The following LOXL1 variants were observed in gnomAD, a reference collection of about 807,000 sequenced individuals.
LOXL1 encodes the protein lysyl oxidase like 1.
LOXL1 carries 31 observed loss-of-function variants against 62.2 expected under a neutral mutation model. The observed-to-expected ratio is 0.50, with a 90% CI of 0.37 to 0.67. The LOEUF (loss-of-function observed/expected upper bound fraction) is 0.67. Ranked by LOEUF, LOXL1 falls within the 30% of genes least tolerant of loss-of-function variation. The pLI is 0.00. For synonymous variants in LOXL1, 403 were observed against 384.4 expected (o/e 1.05, Z -0.56); for missense variants, 775 against 843.4 (o/e 0.92, Z 1.00).
intron 1 of LOXL1, among the ~76,000 whole-genome samples, chr15:73,937,903 C>T (rs139664413): frequency 6.6e-6 from 1 of 152,296 alleles, no homozygotes; most frequent in African/African-American, 2.4e-5. Flanking sequence ...GAGCTGGCTG[C>T]GTACCTTCAT....
At chr15:73,929,966 G>C (rs2068624477) in intron 1 of LOXL1, among the ~76,000 whole-genome samples, 1 of 152,210 alleles carries the variant, frequency 6.6e-6, no homozygotes, top group African/African-American at 2.4e-5. Flanking sequence ...TGATTGAGAG[G>C]GGAATGGGAC....
chr15:73,948,195 G>A (rs2068761075), intron 5 of LOXL1, among the ~76,000 whole-genome samples: 1 of 152,200 alleles, frequency 6.6e-6, no homozygotes, highest in African/African-American at 2.4e-5. Flanking sequence ...GGGAGAGCAA[G>A]AAAGACTTGG....
chr15:73,950,739 T>G (rs1364947582), intron 6 of LOXL1, among the ~76,000 whole-genome samples: 1 of 152,160 alleles, frequency 6.6e-6, no homozygotes, highest in Non-Finnish European at 1.5e-5. Flanking sequence ...GTGGCCAGGG[T>G]CAGGGCTCAG....
chr15:73,940,766 C>T (rs1220111980), intron 1 of LOXL1, among the ~76,000 whole-genome samples: 1 of 152,204 alleles, frequency 6.6e-6, no homozygotes, highest in African/African-American at 2.4e-5. Flanking sequence ...GCACAGGGCT[C>T]AGTGTGTGTA....
chr15:73,928,266 C>A, intron 1 of LOXL1: 1 of 194,160 alleles, frequency 5.2e-6, no homozygotes, highest in Non-Finnish European at 1.0e-5. Flanking sequence ...GCATCTCCTT[C>A]CCCCCTTAGA....
At chr15:73,933,561 T>C (rs1341934819) in intron 1 of LOXL1, among the ~76,000 whole-genome samples, 1 of 152,172 alleles carries the variant, frequency 6.6e-6, no homozygotes, top group Admixed American at 6.5e-5. Context: ...GCTCTGGCTT[T>C]TTGTCCTCTC....
rs144785122 is a variant in LOXL1 at position 73,951,289 on chromosome 15, C to T, written c.1719-542C>T. Among the ~76,000 whole-genome samples the T allele has an allele frequency of 4.7e-3, 721 of 152,328 alleles. 1 individual carries two copies. The highest frequency in any genetic ancestry group is 0.016 in the African/African-American group (679 of 41,568). On this transcript the variant is annotated intron_variant, in intron 6 of 6. Coordinates refer to ENST00000261921, the MANE Select transcript of LOXL1 (RefSeq NM_005576.4). ...GCGGCCCTCCCAGCTCCCCGGGGGC[C>T]TGTGGGCAGCAGGGGGAGCCAAAGC...
Position 73,945,520 on chromosome 15 carries a change from A to G in LOXL1, c.1212-897A>G, listed in dbSNP as rs150368495. On this transcript the variant is annotated intron_variant, in intron 2 of 6. Transcript: ENST00000261921. The surrounding 1 kb of genome is among the most constrained non-coding windows in gnomAD (Gnocchi z 4.3). ...GGAAAAAGTTCAGCCTGTTTGGAAA[A>G]TAGGCTTTGAAGCAGGAACCCAGGG... 1.1e-3 allele frequency among the ~76,000 whole-genome samples: 162 copies of G among 152,324 alleles called. 1 individual carries two copies. Among genetic ancestry groups the G allele is most frequent in the Non-Finnish European group, 1.8e-3 (123 of 68,034 alleles).
At chr15:73,951,810 C>T (rs1484288698) in intron 6 of LOXL1, 21 bp from the exon 7 acceptor site, 4 of 1,549,528 alleles carry the variant, frequency 2.6e-6, no homozygotes, top group Non-Finnish European at 3.5e-6. Context: ...CCTCATTGAC[C>T]CACTGTCTTT....
Position 73,947,137 on chromosome 15 carries a change from G to C in LOXL1, c.1420G>C (p.Glu474Gln), listed in dbSNP as rs141057976. 1 of 1,613,780 alleles carries C rather than the reference G, an allele frequency of 6.2e-7. No individual in the cohort carries two copies. The highest frequency in any genetic ancestry group is 8.5e-7 in the Non-Finnish European group (1 of 1,179,694). ...LDAATGKKVAEGHKASFCLED... is the reference protein window; with the variant it reads ...LDAATGKKVAQGHKASFCLED... ...TGCAGCCACAGGCAAGAAGGTGGCC[G>C]AGGGCCACAAGGCCAGTTTCTGCCT... is the stretch of plus-strand genomic sequence containing the variant. Residue 474 changes from glutamate to glutamine, a missense_variant, in exon 4 of 7, where the codon GAG becomes CAG. Physicochemically the swap from Glu to Gln is conservative, Grantham distance 29. Coordinates refer to ENST00000261921, the MANE Select transcript of LOXL1 (RefSeq NM_005576.4).
At chr15:73,949,903 T>C (rs1006294064) in intron 6 of LOXL1, among the ~76,000 whole-genome samples, 19 of 152,258 alleles carry the variant, frequency 1.2e-4, no homozygotes, top group African/African-American at 4.6e-4. Context: ...TATGTGACAT[T>C]GGGTTACTTC....
intron 6 of LOXL1, among the ~76,000 whole-genome samples, chr15:73,951,236 C>A (rs901844525): frequency 2.6e-5 from 4 of 152,170 alleles, no homozygotes; most frequent in Admixed American, 2.0e-4. Context: ...GGAGGGCTGT[C>A]GGCAGGGCAG....
rs1955794121 is a variant in LOXL1 at position 73,945,950 on chromosome 15, C to G, written c.1212-467C>G. 6.6e-6 allele frequency among the ~76,000 whole-genome samples: 1 copy of G among 152,168 alleles called. No homozygotes were observed. Among genetic ancestry groups the G allele is most frequent in the African/African-American group, 2.4e-5 (1 of 41,430 alleles). Reference sequence around the variant, plus strand: ...CTCACTATGTTGCCCAGGCTGGTCTCAAACTATGGGCCTCAAGTGATCCTC... The same window carrying G: ...CTCACTATGTTGCCCAGGCTGGTCTGAAACTATGGGCCTCAAGTGATCCTC... On this transcript the variant is annotated intron_variant, in intron 2 of 6. Coordinates refer to ENST00000261921, the MANE Select transcript of LOXL1 (RefSeq NM_005576.4). This position sits in a 1 kb window ranked among gnomAD's most constrained non-coding sequence, Gnocchi z 4.3.
chr15:73,949,391 CT>C, intron 5 of LOXL1, 67 bp from the exon 6 acceptor site: 1 of 891,178 alleles, frequency 1.1e-6, no homozygotes, highest in East Asian at 2.4e-5. Flanking sequence ...ACCACCTTCT[CT>C]GGTGAGCAGT....
intron 2 of LOXL1, among the ~76,000 whole-genome samples, chr15:73,946,031 C>T (rs2068744698): frequency 6.6e-6 from 1 of 152,184 alleles, no homozygotes; most frequent in Non-Finnish European, 1.5e-5. Context: ...AGTGCCTGGC[C>T]CCCGCAATAG....
intron 5 of LOXL1, among the ~76,000 whole-genome samples, chr15:73,949,189 C>G (rs2068767484): frequency 6.6e-6 from 1 of 152,168 alleles, no homozygotes; most frequent in Non-Finnish European, 1.5e-5. Flanking sequence ...CTCTCTGACC[C>G]CAAATGCCCC....
intron 1 of LOXL1, among the ~76,000 whole-genome samples, chr15:73,938,652 A>T (rs1045627188): frequency 2.0e-5 from 3 of 152,216 alleles, no homozygotes; most frequent in African/African-American, 7.2e-5. Context: ...CGGATGTTGC[A>T]GTGAGCCAAG....
intron 2 of LOXL1, 119 bp downstream of exon 2, chr15:73,943,081 C>A: frequency 1.3e-6 from 1 of 745,176 alleles, no homozygotes; most frequent in Non-Finnish European, 2.4e-6. Context: ...GGCCAAGTGC[C>A]CCAGCCTCCC....
intron 5 of LOXL1, 55 bp downstream of exon 5, chr15:73,947,957 C>A: frequency 7.4e-7 from 1 of 1,346,692 alleles, no homozygotes; most frequent in South Asian, 1.2e-5. Flanking sequence ...GTCCAATGTC[C>A]CCCCGTTCCT....
Sources: allele counts gnomAD v4.1 joint callset (sites outside exome capture counted in the v4.1 genomes callset), GRCh38; gene constraint gnomAD v4.1.1; non-coding constraint Gnocchi (gnomAD v3.1); transcripts MANE v1.5; gene names NCBI Gene and HGNC (gene_info 2026-07-23, HGNC 2026-07-21).